Variants in TASOR2 observed in about 807,000 individuals in gnomAD.
TASOR2 encodes protein TASOR 2.
A neutral mutation model predicts 199.5 loss-of-function variants in TASOR2; 84 were observed. The observed-to-expected ratio is 0.42, with a 90% CI of 0.35 to 0.50. The LOEUF (loss-of-function observed/expected upper bound fraction) is 0.50. Ranked by LOEUF, TASOR2 falls within the 20% of genes least tolerant of loss-of-function variation. The pLI, the probability that TASOR2 is intolerant of heterozygous loss-of-function variation, is 0.02. For missense variants in TASOR2, 2,796 were observed against 2,835.9 expected (o/e 0.99, Z 0.32); for synonymous variants, 1,103 against 1,046.6 (o/e 1.05, Z -1.04).
At chr10:5,686,264 T>A (rs538388556) in intron 1 of TASOR2, among the ~76,000 whole-genome samples, 1 of 152,226 alleles carries the variant, frequency 6.6e-6, no homozygotes, top group Non-Finnish European at 1.5e-5. Context: ...CTAATTTTTT[T>A]AAAGGGAGAT....
chr10:5,746,798 C>T (rs1453927905), exon 15 of TASOR2: 3 of 1,614,154 alleles, frequency 1.9e-6, no homozygotes, highest in Non-Finnish European at 2.5e-6. Flanking sequence ...TACCTTTGTG[C>T]CTCGTCAGTA....
chr10:5,762,014 C>G (rs1021105614), intron 19 of TASOR2, among the ~76,000 whole-genome samples: 1 of 152,096 alleles, frequency 6.6e-6, no homozygotes, highest in Non-Finnish European at 1.5e-5. Flanking sequence ...CAGTGGCTCA[C>G]GCCTGTAATG....
At chr10:5,735,377 T>G in exon 12 of TASOR2, 2 of 1,614,130 alleles carry the variant, frequency 1.2e-6, no homozygotes, top group South Asian at 2.2e-5. Flanking sequence ...CTCCTATTTC[T>G]AAAGATGTTC....
chr10:5,711,503 T>G (rs539146697), intron 1 of TASOR2, among the ~76,000 whole-genome samples: 66 of 152,210 alleles, frequency 4.3e-4, no homozygotes, highest in African/African-American at 1.6e-3. Context: ...CCCCCCAACC[T>G]TAATAAAGAG....
At position 5,746,136 on chromosome 10, in the gene TASOR2, TTA is replaced by T. The variant is rs763904750; in HGVS notation, c.2758-39_2758-38del. The T allele has an allele frequency of 1.7e-5, 26 of 1,489,206 alleles. 1 individual carries two copies. The East Asian group carries it at 5.7e-4, about 33-fold the overall frequency. 92.2% of individuals were successfully genotyped at this position (1,489,206 alleles called of 1,614,324 possible). A position where few individuals can be genotyped will look rare whatever the true frequency, so the allele number is the denominator to read the frequency against. On this transcript the variant is annotated intron_variant, in intron 14 of 20. Coordinates refer to ENST00000328090, the Ensembl canonical transcript of TASOR2. ...TACATATAATCGTATAAAAAACATT[TTA>T]TATGACTGATTTTTTTTTTTTTTTA...
exon 15 of TASOR2, chr10:5,747,981 C>T: frequency 6.2e-7 from 1 of 1,612,304 alleles, no homozygotes; most frequent in Non-Finnish European, 8.5e-7. Flanking sequence ...AGGTGCAGTG[C>T]TATGGTAGGG....
intron 11 of TASOR2, among the ~76,000 whole-genome samples, chr10:5,733,279 G>C (rs1401401754): frequency 1.3e-5 from 2 of 152,030 alleles, no homozygotes; most frequent in Non-Finnish European, 2.9e-5. Context: ...AGGCTGAGGC[G>C]GGTGGATCAC....
At position 5,738,069 on chromosome 10, in the gene TASOR2, A is replaced by G. The variant is rs1393909340; in HGVS notation, c.1448-1549A>G. On this transcript the variant is annotated intron_variant, in intron 12 of 20. Coordinates refer to ENST00000328090, the Ensembl canonical transcript of TASOR2. This position sits in a 1 kb window ranked among gnomAD's most constrained non-coding sequence, Gnocchi z 4.7. Reference sequence around the variant, plus strand: ...AAGAAGGCAGATGAAACATAGCCACATTGACCTCAGTTTGCAAATTACTGA... The same window carrying G: ...AAGAAGGCAGATGAAACATAGCCACGTTGACCTCAGTTTGCAAATTACTGA... Among the ~76,000 whole-genome samples, 2 of 152,222 alleles carry G rather than the reference A, an allele frequency of 1.3e-5. No homozygotes were observed. The highest frequency in any genetic ancestry group is 2.9e-5 in the Non-Finnish European group (2 of 68,032).
chr10:5,726,602 G>GA (rs1168667532), intron 8 of TASOR2, among the ~76,000 whole-genome samples: 1 of 152,102 alleles, frequency 6.6e-6, no homozygotes, highest in Non-Finnish European at 1.5e-5. Flanking sequence ...CTGTCTCAGT[G>GA]AAAAAAATAA....
At chr10:5,763,188 C>G in exon 21 of TASOR2, 1 of 671,436 alleles carries the variant, frequency 1.5e-6, no homozygotes, top group Non-Finnish European at 2.4e-6. Context: ...TTATATTTTG[C>G]TGAAATATGT....
rs548991976 is a variant in TASOR2 at position 5,698,480 on chromosome 10, A to G, written c.-288+13305A>G. ...AGAGAGAAAAACCACAATTTTCTAC[A>G]GACGATATTTTTCAAAACAATATTA... On this transcript the variant is annotated intron_variant, in intron 1 of 20. Transcript: ENST00000328090. This position sits in a 1 kb window ranked among gnomAD's most constrained non-coding sequence, Gnocchi z 4.4. Among the ~76,000 whole-genome samples, 140 of 152,370 alleles carry G rather than the reference A, an allele frequency of 9.2e-4. 2 individuals are homozygous for G. The highest frequency in any genetic ancestry group is 3.4e-3 in the Middle Eastern group (1 of 294).
chr10:5,728,923 TTG>T (rs1834421842), intron 10 of TASOR2, among the ~76,000 whole-genome samples: 2 of 151,702 alleles, frequency 1.3e-5, no homozygotes, highest in South Asian at 4.2e-4. Context: ...TATTTTATTT[TTG>T]TTTTTTAGTT....
chr10:5,709,866 G>A (rs896277150), intron 1 of TASOR2, among the ~76,000 whole-genome samples: 7 of 152,134 alleles, frequency 4.6e-5, no homozygotes, highest in African/African-American at 1.4e-4. Flanking sequence ...AAACACGTAT[G>A]TTCCTCTGTT....
At position 5,762,094 on chromosome 10, in the gene TASOR2, A is replaced by G. The variant is rs1839937822; in HGVS notation, c.7175-438A>G. On this transcript the variant is annotated intron_variant, in intron 19 of 20. Coordinates refer to ENST00000328090, the Ensembl canonical transcript of TASOR2. ...AATTTGAGGCCAGCCTGGGCAACTT[A>G]GCGAGACCTCATCTCTACAGAAGTT... Among the ~76,000 whole-genome samples, 4 of 152,154 alleles carry G rather than the reference A, an allele frequency of 2.6e-5. No individual in the cohort carries two copies. In the South Asian group the frequency reaches 8.3e-4, roughly 32 times the overall value.
exon 15 of TASOR2, chr10:5,749,737 AATG>A (rs775652983): frequency 1.2e-6 from 2 of 1,614,224 alleles, no homozygotes; most frequent in East Asian, 2.2e-5. Context: ...GGAATCTCGG[AATG>A]ATATTTCACT....
At chr10:5,696,581 C>T (rs1337692528) in intron 1 of TASOR2, among the ~76,000 whole-genome samples, 1 of 152,112 alleles carries the variant, frequency 6.6e-6, no homozygotes, top group African/African-American at 2.4e-5. Flanking sequence ...GTCTTCAACT[C>T]CTGGGCTTGT....
chr10:5,743,557 T>G (rs1372722182), intron 14 of TASOR2, among the ~76,000 whole-genome samples: 1 of 152,158 alleles, frequency 6.6e-6, no homozygotes, highest in Non-Finnish European at 1.5e-5. Context: ...AACCTAAATG[T>G]TAACTATGTA....
intron 15 of TASOR2, among the ~76,000 whole-genome samples, chr10:5,753,081 G>T (rs1280990822): frequency 6.6e-6 from 1 of 152,104 alleles, no homozygotes; most frequent in Non-Finnish European, 1.5e-5. Context: ...AACTGGTTGT[G>T]ATTTGTTGTA....
chr10:5,733,176 A>C (rs964836185), intron 11 of TASOR2, among the ~76,000 whole-genome samples: 1 of 152,184 alleles, frequency 6.6e-6, no homozygotes, highest in Non-Finnish European at 1.5e-5. Context: ...AAAAAAAATT[A>C]TGTGTAATAC....
Sources: allele counts gnomAD v4.1 joint callset (sites outside exome capture counted in the v4.1 genomes callset), GRCh38; gene constraint gnomAD v4.1.1; non-coding constraint Gnocchi (gnomAD v3.1); transcripts MANE v1.5; gene names NCBI Gene and HGNC (gene_info 2026-07-23, HGNC 2026-07-21).